Variants in CNTNAP5 observed in about 807,000 individuals in gnomAD.
The protein encoded by CNTNAP5 is contactin associated protein family member 5, also known as contactin-associated protein-like 5.
A neutral mutation model predicts 150.2 loss-of-function variants in CNTNAP5; 72 were observed. The observed-to-expected ratio is 0.48, with a 90% CI of 0.40 to 0.58. The LOEUF (loss-of-function observed/expected upper bound fraction) is 0.58. Among genes scored for constraint, CNTNAP5 ranks in the 20% least tolerant of loss-of-function variants. The probability of loss-of-function intolerance (pLI) is 0.00; values close to 1 mark genes in which losing one functional copy is unlikely to be tolerated. For synonymous variants in CNTNAP5, 672 were observed against 619.8 expected (o/e 1.08, Z -1.25); for missense variants, 1,636 against 1,626.2 (o/e 1.01, Z -0.10).
chr2:124,323,267 G>C (rs1689141345), intron 3 of CNTNAP5, among the ~76,000 whole-genome samples: 1 of 152,136 alleles, frequency 6.6e-6, no homozygotes, highest in African/African-American at 2.4e-5. Flanking sequence ...AGAGATCTCA[G>C]ATCCTTATCT....
intron 4 of CNTNAP5, among the ~76,000 whole-genome samples, chr2:124,418,104 C>A (rs945650929): frequency 6.6e-6 from 1 of 152,144 alleles, no homozygotes; most frequent in African/African-American, 2.4e-5. Flanking sequence ...TTCTATCTTG[C>A]ACATAAAGAT....
chr2:124,900,589 C>T lies in CNTNAP5; in HGVS notation c.3437-2293C>T, dbSNP rs141004621. On this transcript the variant is annotated intron_variant, in intron 21 of 23. Transcript: ENST00000682447. ...GAATGTCATTTGCTGGCATTTCCCC[C>T]GACTTATCAATGTGCCTATTCTTAC... Among the ~76,000 whole-genome samples the T allele has an allele frequency of 2.5e-3, 377 of 151,526 alleles. 24 individuals are homozygous for T. The highest frequency in any genetic ancestry group is 8.7e-3 in the African/African-American group (355 of 40,916).
rs546291820 is a variant in CNTNAP5 at position 124,169,265 on chromosome 2, A to G, written c.83-52440A>G. On this transcript the variant is annotated intron_variant, in intron 1 of 23. Coordinates refer to ENST00000682447, the MANE Select transcript of CNTNAP5 (RefSeq NM_001367498.1). ...ATTGGGGTTCTTATTGGCCTGGGTT[A>G]GGGACTGGCTCGGGGATGTTGGACA... 3.9e-5 allele frequency among the ~76,000 whole-genome samples: 6 copies of G among 152,174 alleles called. No individual in the cohort carries two copies. In the East Asian group the frequency reaches 1.2e-3, roughly 29 times the overall value.
intron 3 of CNTNAP5, among the ~76,000 whole-genome samples, chr2:124,272,494 T>C (rs1687784474): frequency 6.6e-6 from 1 of 152,092 alleles, no homozygotes; most frequent in East Asian, 1.9e-4. Context: ...CTCCCCCACC[T>C]CTTCAGAGGA....
intron 3 of CNTNAP5, among the ~76,000 whole-genome samples, chr2:124,410,725 G>A (rs376647664): frequency 2.5e-4 from 38 of 151,592 alleles, no homozygotes; most frequent in African/African-American, 6.8e-4. Context: ...GACGCATTCA[G>A]AGCAGTGTGT....
intron 3 of CNTNAP5, among the ~76,000 whole-genome samples, chr2:124,336,078 G>A (rs72839450): frequency 0.053 from 7,985 of 152,090 alleles, 310 homozygotes; most frequent in Middle Eastern, 0.11. Flanking sequence ...ATTCTGAAGC[G>A]TAGTAAATGT....
intron 10 of CNTNAP5, among the ~76,000 whole-genome samples, chr2:124,560,336 T>C (rs1342385027): frequency 2.6e-5 from 4 of 151,948 alleles, no homozygotes; most frequent in South Asian, 2.1e-4. Context: ...GTAGTAGAGA[T>C]GGATAAACCT....
chr2:124,306,719 CTTT>C lies in CNTNAP5; in HGVS notation c.381+64349_381+64351del, dbSNP rs762901729. On this transcript the variant is annotated intron_variant, in intron 3 of 23. Coordinates refer to ENST00000682447, the MANE Select transcript of CNTNAP5 (RefSeq NM_001367498.1). Reference sequence around the variant, plus strand: ...AAACTTGGTTTCTCTCTCTCTCTTTCTTTTTTTTTTTTTTTTTTTTTTTTTGAG... The same window carrying C: ...AAACTTGGTTTCTCTCTCTCTCTTTCTTTTTTTTTTTTTTTTTTTTTTGAG... 7.6e-3 allele frequency among the ~76,000 whole-genome samples: 487 copies of C among 64,372 alleles called. 1 individual carries two copies. The highest frequency in any genetic ancestry group is 0.045 in the Middle Eastern group (3 of 66). 42.2% of individuals were successfully genotyped at this position (64,372 alleles called of 152,430 possible).
chr2:124,729,238 T>C (rs1431075323), intron 13 of CNTNAP5, among the ~76,000 whole-genome samples: 1 of 152,124 alleles, frequency 6.6e-6, no homozygotes, highest in Non-Finnish European at 1.5e-5. Flanking sequence ...TGATTCCATG[T>C]ATATGCATTT....
At chr2:124,862,501 G>T (rs907109247) in intron 19 of CNTNAP5, among the ~76,000 whole-genome samples, 1 of 152,182 alleles carries the variant, frequency 6.6e-6, no homozygotes, top group African/African-American at 2.4e-5. Context: ...GCTCACAGAT[G>T]AAGCAAGCCG....
intron 14 of CNTNAP5, among the ~76,000 whole-genome samples, chr2:124,747,767 A>G (rs1227168667): frequency 7.3e-6 from 1 of 136,134 alleles, no homozygotes; most frequent in Non-Finnish European, 1.5e-5. Context: ...GCAAAAGCAC[A>G]TGCCACCACT....
chr2:124,459,160 C>A (rs776151798), intron 6 of CNTNAP5, among the ~76,000 whole-genome samples: 1 of 152,158 alleles, frequency 6.6e-6, no homozygotes, highest in Non-Finnish European at 1.5e-5. Flanking sequence ...TTAAAAATTG[C>A]GGTCAGCCCT....
At chr2:124,594,617 C>T (rs1167719915) in intron 11 of CNTNAP5, among the ~76,000 whole-genome samples, 4 of 134,014 alleles carry the variant, frequency 3.0e-5, no homozygotes, top group African/African-American at 5.5e-5. Context: ...CTTGGCGATG[C>T]GGGCTCTTTT....
intron 13 of CNTNAP5, among the ~76,000 whole-genome samples, chr2:124,683,141 G>T (rs1408887282): frequency 6.6e-6 from 1 of 152,178 alleles, no homozygotes; most frequent in Admixed American, 6.5e-5. Context: ...AATTATTGAG[G>T]AGTACACAGA....
At chr2:124,872,839 A>G (rs1425404004) in intron 21 of CNTNAP5, among the ~76,000 whole-genome samples, 1 of 152,040 alleles carries the variant, frequency 6.6e-6, no homozygotes, top group Non-Finnish European at 1.5e-5. Context: ...ACCACTGTGT[A>G]TAGCATTCAT....
intron 6 of CNTNAP5, among the ~76,000 whole-genome samples, chr2:124,468,032 CG>C (rs113825110): frequency 6.6e-6 from 1 of 152,162 alleles, no homozygotes; most frequent in African/African-American, 2.4e-5. Context: ...TATCGTGCTG[CG>C]TCAAGGGAGT....
chr2:124,750,767 C>CT (rs1680706831), intron 14 of CNTNAP5, among the ~76,000 whole-genome samples: 1 of 151,880 alleles, frequency 6.6e-6, no homozygotes, highest in Non-Finnish European at 1.5e-5. Context: ...GGGCGGATCA[C>CT]GAGGTCAGGA....
At chr2:124,226,005 C>T (rs1283449059) in intron 2 of CNTNAP5, among the ~76,000 whole-genome samples, 1 of 151,916 alleles carries the variant, frequency 6.6e-6, no homozygotes, top group Non-Finnish European at 1.5e-5. Flanking sequence ...ATTTTTTATC[C>T]CTTTATTGAT....
At chr2:124,757,704 G>A (rs1680869731) in intron 14 of CNTNAP5, among the ~76,000 whole-genome samples, 1 of 152,244 alleles carries the variant, frequency 6.6e-6, no homozygotes, top group South Asian at 2.1e-4. Context: ...GCTCATGAGT[G>A]AAACTCTACT....
Sources: allele counts gnomAD v4.1 joint callset (sites outside exome capture counted in the v4.1 genomes callset), GRCh38; gene constraint gnomAD v4.1.1; transcripts MANE v1.5; gene names NCBI Gene and HGNC (gene_info 2026-07-23, HGNC 2026-07-21).